SMOC1: variants seen among roughly 807,000 people sequenced by gnomAD.
SMOC1 encodes the protein SPARC related modular calcium binding 1.
A neutral mutation model predicts 56.3 loss-of-function variants in SMOC1; 22 were observed. The observed-to-expected ratio is 0.39, with a 90% confidence interval of 0.28 to 0.56. The LOEUF (loss-of-function observed/expected upper bound fraction) is 0.56, where lower values mean the gene tolerates loss of function less well. Among genes scored for constraint, SMOC1 ranks in the 20% least tolerant of loss-of-function variants. The pLI, the probability that SMOC1 is intolerant of heterozygous loss-of-function variation, is 0.61. For missense variants in SMOC1, 509 were observed against 565.4 expected, an observed-to-expected ratio of 0.90 and a Z score of 1.01; for synonymous variants, 193 against 215.0, an observed-to-expected ratio of 0.90 and a Z score of 0.89.
At chr14:69,962,811 A>G (rs1466504752) in intron 3 of SMOC1, among the ~76,000 whole-genome samples, 1 of 150,848 alleles carries the variant, frequency 6.6e-6, no homozygotes, top group Non-Finnish European at 1.5e-5. Context: ...TCCTGAGCTC[A>G]AGCAATCTGC....
At chr14:69,918,986 G>T (rs1331522964) in intron 1 of SMOC1, among the ~76,000 whole-genome samples, 1 of 151,908 alleles carries the variant, frequency 6.6e-6, no homozygotes, top group African/African-American at 2.4e-5. Flanking sequence ...TTTTTTGTTT[G>T]TTTGTTTGTT....
chr14:69,972,734 C>G (rs1210482571), intron 3 of SMOC1, among the ~76,000 whole-genome samples: 1 of 152,202 alleles, frequency 6.6e-6, no homozygotes. Context: ...GCCCACAGGT[C>G]AGATTATATC....
At chr14:69,975,186 T>C (rs1883903979) in intron 3 of SMOC1, among the ~76,000 whole-genome samples, 1 of 151,982 alleles carries the variant, frequency 6.6e-6, no homozygotes, top group Admixed American at 6.6e-5. Context: ...CTACTAAAAA[T>C]ACAAAAATCA....
chr14:70,027,626 G>T (rs1198980459), intron 11 of SMOC1, among the ~76,000 whole-genome samples: 3 of 152,164 alleles, frequency 2.0e-5, no homozygotes, highest in Non-Finnish European at 4.4e-5. Flanking sequence ...GATGGGCCTG[G>T]CTTGATTTTA....
rs138540018 is a variant in SMOC1, at chr14:69,928,047, T to A, written c.100-24091T>A. On this transcript the variant is annotated intron_variant, in intron 1 of 11. Transcript: ENST00000361956. ...GCTGGGCACGATGCAGTGCGATTCCTGCCAAAGAGAAAAGGTGCTTTGAAT... is the reference window on the plus strand; with the variant it reads ...GCTGGGCACGATGCAGTGCGATTCCAGCCAAAGAGAAAAGGTGCTTTGAAT... Among the ~76,000 whole-genome samples the A allele has an allele frequency of 5.3e-3, 803 of 152,306 alleles. 6 individuals carry two copies. The highest frequency in any genetic ancestry group is 0.018 in the African/African-American group (747 of 41,560).
In SMOC1 at chr14:70,004,048, A is replaced by G. The variant is rs532175735; in HGVS notation, c.665-6706A>G. 5.9e-5 allele frequency among the ~76,000 whole-genome samples: 9 copies of G among 152,002 alleles called. No homozygotes were observed. In the South Asian group the frequency reaches 1.9e-3, roughly 32 times the overall value. On this transcript the variant is annotated intron_variant, in intron 7 of 11. Coordinates refer to ENST00000361956, the MANE Select transcript of SMOC1 (RefSeq NM_001034852.3). Reference sequence around the variant, plus strand: ...TCCTCTCTCAGGACCATGTCAGCTTACTTTTTCTGTAGTGTAAGGAACTCC... The same window carrying G: ...TCCTCTCTCAGGACCATGTCAGCTTGCTTTTTCTGTAGTGTAAGGAACTCC...
At chr14:69,988,641 A>G (rs1202087768) in intron 5 of SMOC1, among the ~76,000 whole-genome samples, 1 of 152,134 alleles carries the variant, frequency 6.6e-6, no homozygotes, top group South Asian at 2.1e-4. Context: ...GTGTTGTACA[A>G]TTGTCACCAG....
rs115255741 is a variant in SMOC1, at chr14:69,956,069, A to G, written c.378+2537A>G. Among the ~76,000 whole-genome samples the G allele has an allele frequency of 3.1e-3, 468 of 152,362 alleles. 3 individuals carry two copies. The highest frequency in any genetic ancestry group is 0.011 in the African/African-American group (439 of 41,596). On this transcript the variant is annotated intron_variant, in intron 3 of 11. Transcript: ENST00000361956. ...GCTTTTGTTTTGGTGAGGCCAGGCCAGACCAGGTGGTGTTTACTGAGGGAA... is the reference window on the plus strand; with the variant it reads ...GCTTTTGTTTTGGTGAGGCCAGGCCGGACCAGGTGGTGTTTACTGAGGGAA...
chr14:69,993,427 G>A (rs917430273), intron 6 of SMOC1, among the ~76,000 whole-genome samples: 2 of 152,162 alleles, frequency 1.3e-5, no homozygotes, highest in East Asian at 3.9e-4. Context: ...TCTAAAGTAT[G>A]ACAATAAGGT....
At chr14:69,935,864 C>G (rs1051082261) in intron 1 of SMOC1, among the ~76,000 whole-genome samples, 2 of 152,370 alleles carry the variant, frequency 1.3e-5, no homozygotes, top group Middle Eastern at 6.8e-3. Flanking sequence ...GTGCCTAGCA[C>G]AGTGGCTGAC....
chr14:69,929,569 T>C (rs1885106578), intron 1 of SMOC1, among the ~76,000 whole-genome samples: 1 of 152,126 alleles, frequency 6.6e-6, no homozygotes, highest in Admixed American at 6.5e-5. Context: ...ACCGAGTGCT[T>C]TCTAAGACAT....
rs763002694 is a variant in SMOC1, at chr14:69,992,422, G to A, written c.532G>A (p.Gly178Arg). 24 of 1,613,838 alleles carry A rather than the reference G, an allele frequency of 1.5e-5. No homozygotes were observed. Among genetic ancestry groups the A allele is most frequent in the South Asian group, 3.3e-5 (3 of 91,066 alleles). Residue 178 changes from glycine (G) to arginine (R), a missense_variant, in exon 6 of 12, where the codon GGG becomes AGG. Around this residue, in one of 3 missense-constraint regions of SMOC1, gnomAD observed 315 missense variants for 333.1 expected, o/e 0.95. Transcript: ENST00000361956. ...SQGNSGRKDD[G>R]SKPTPTMETQ... ...CTTTTTAACCCTCAATTCAGATGAC[G>A]GGTCTAAGCCGACACCCACGATGGA...
chr14:70,002,145 C>T (rs1464187419), intron 7 of SMOC1, among the ~76,000 whole-genome samples: 25 of 152,146 alleles, frequency 1.6e-4, no homozygotes, highest in Admixed American at 1.6e-3. Flanking sequence ...GGAGACAGTT[C>T]TTCTCTTGGC....
At chr14:70,011,589 C>A (rs753811051) in intron 9 of SMOC1, 22 bp downstream of exon 9, 1 of 1,605,692 alleles carries the variant, frequency 6.2e-7, no homozygotes, top group South Asian at 1.1e-5. Context: ...TGCTGCCCTG[C>A]CGGCGCCATC....
In SMOC1 at chr14:69,973,401, A is replaced by G. The variant is rs185862652; in HGVS notation, c.379-2314A>G. ...GCTCAAAGAGCTGAGCGATGTATCT[A>G]GTTCATAACTGGCTGGACCAGGATT... On this transcript the variant is annotated intron_variant, in intron 3 of 11. Transcript: ENST00000361956. Among the ~76,000 whole-genome samples, 19 of 152,344 alleles carry G rather than the reference A, an allele frequency of 1.2e-4. 1 individual carries two copies. The highest frequency in any genetic ancestry group is 4.3e-4 in the African/African-American group (18 of 41,586).
At chr14:69,927,233 CAAA>C (rs2139382682) in intron 1 of SMOC1, among the ~76,000 whole-genome samples, 1 of 152,316 alleles carries the variant, frequency 6.6e-6, no homozygotes, top group East Asian at 1.9e-4. Flanking sequence ...AAGGAGGCTT[CAAA>C]AAGTCTGGGC....
intron 1 of SMOC1, among the ~76,000 whole-genome samples, chr14:69,925,505 T>C (rs956659452): frequency 6.6e-6 from 1 of 152,112 alleles, no homozygotes; most frequent in African/African-American, 2.4e-5. Flanking sequence ...TGTCACCCCA[T>C]TTTATTTTCT....
intron 5 of SMOC1, among the ~76,000 whole-genome samples, chr14:69,980,480 C>A (rs1402219472): frequency 6.6e-6 from 1 of 152,152 alleles, no homozygotes; most frequent in Non-Finnish European, 1.5e-5. Context: ...GGTGTTGGAT[C>A]CTCTTCTCTT....
At chr14:69,910,969 C>T (rs1884541897) in intron 1 of SMOC1, among the ~76,000 whole-genome samples, 1 of 152,140 alleles carries the variant, frequency 6.6e-6, no homozygotes, top group Non-Finnish European at 1.5e-5. Context: ...TTAAGACTGA[C>T]ACATTGAACT....
Sources: allele counts gnomAD v4.1 joint callset (sites outside exome capture counted in the v4.1 genomes callset), GRCh38; gene constraint gnomAD v4.1.1; regional missense constraint gnomAD v4.1.1; transcripts MANE v1.5; gene names NCBI Gene and HGNC (gene_info 2026-07-23, HGNC 2026-07-21).